Variants in ABCA9 observed in about 807,000 individuals in gnomAD.
ABCA9 encodes ATP binding cassette subfamily A member 9, also known as ATP-binding cassette sub-family A member 9.
Under a neutral mutation model 205.3 loss-of-function variants are expected in ABCA9, and 183 were observed. The ratio of observed to expected loss-of-function variants is 0.89; its 90% CI spans 0.79 to 1.01. The LOEUF (loss-of-function observed/expected upper bound fraction) is 1.01, where lower values mean the gene tolerates loss of function less well. Ranked by LOEUF, ABCA9 falls within the 50% of genes least tolerant of loss-of-function variation. The pLI, the probability that ABCA9 is intolerant of heterozygous loss-of-function variation, is 0.00. For synonymous variants in ABCA9, 651 were observed against 683.3 expected, an observed-to-expected ratio of 0.95 and a Z score of 0.74; for missense variants, 1,805 against 1,912.4, an observed-to-expected ratio of 0.94 and a Z score of 1.05.
chr17:69,059,791 C>T (rs531238364), intron 1 of ABCA9, among the ~76,000 whole-genome samples: 18 of 151,882 alleles, frequency 1.2e-4, no homozygotes, highest in African/African-American at 2.7e-4. Flanking sequence ...TATTTTATGA[C>T]GTGCCTCATC....
intron 11 of ABCA9, 32 bp from the exon 12 acceptor site, chr17:69,028,677 A>C (rs2071070818): frequency 7.4e-7 from 1 of 1,352,430 alleles, no homozygotes; most frequent in African/African-American, 1.5e-5. Context: ...TTACACTCAG[A>C]GCCTACATAT....
chr17:69,027,086 C>G lies in ABCA9; in HGVS notation c.1940G>C (p.Gly647Ala). The G allele has an allele frequency of 1.2e-6, 2 of 1,614,122 alleles. No homozygotes were observed. Among genetic ancestry groups the G allele is most frequent in the Non-Finnish European group, 1.7e-6 (2 of 1,179,996 alleles). Residue 647 changes from glycine (G) to alanine (A), a missense_variant, in exon 15 of 39, where the codon GGA becomes GCA. Gly to Ala is a moderately conservative substitution (Grantham distance 60, BLOSUM62 0). Transcript: ENST00000340001. ...QVLLLDEPTA[G>A]LDPLSRHRIW... ...TCGGTGCCTTGAAAGAGGATCCAATCCAGCAGTCGGTTCATCCAATAGCAA... is the reference window on the plus strand; with the variant it reads ...TCGGTGCCTTGAAAGAGGATCCAATGCAGCAGTCGGTTCATCCAATAGCAA...
chr17:69,048,134 C>T (rs538065629), intron 3 of ABCA9, among the ~76,000 whole-genome samples: 3 of 152,144 alleles, frequency 2.0e-5, no homozygotes, highest in Non-Finnish European at 4.4e-5. Context: ...GGAAATTGCT[C>T]CCATGATCCA....
chr17:69,065,971 C>G, the ABCA9 span, among the ~76,000 whole-genome samples: 1 of 152,100 alleles, frequency 6.6e-6, no homozygotes, highest in African/African-American at 2.4e-5. Context: ...GACATGTTTG[C>G]CTCCCCTTCT....
At chr17:69,005,877 C>T (rs888886684) in intron 25 of ABCA9, among the ~76,000 whole-genome samples, 4 of 152,126 alleles carry the variant, frequency 2.6e-5, no homozygotes, top group African/African-American at 7.2e-5. Flanking sequence ...AGGAGACTTC[C>T]ATTTTCTGCA....
chr17:68,978,407 C>T (rs1275520074), intron 37 of ABCA9, among the ~76,000 whole-genome samples: 1 of 151,998 alleles, frequency 6.6e-6, no homozygotes, highest in Non-Finnish European at 1.5e-5. Flanking sequence ...ACTGATGGGT[C>T]TTGATTCTTT....
At chr17:69,074,391 TC>T in the ABCA9 span, among the ~76,000 whole-genome samples, 2 of 152,198 alleles carry the variant, frequency 1.3e-5, no homozygotes, top group African/African-American at 4.8e-5. Context: ...GGTTAGTTTC[TC>T]CTTGCCTCCC....
At chr17:68,989,660 G>A (rs996921449) in intron 30 of ABCA9, among the ~76,000 whole-genome samples, 153 bp downstream of exon 30, 3 of 151,854 alleles carry the variant, frequency 2.0e-5, no homozygotes, top group African/African-American at 4.8e-5. Context: ...AAAAAAGGTC[G>A]TTATCATTTC....
chr17:69,017,933 G>T, intron 20 of ABCA9, 144 bp from the exon 21 acceptor site: 1 of 871,142 alleles, frequency 1.1e-6, no homozygotes, highest in Non-Finnish European at 1.7e-6. Context: ...TGATGTTCTG[G>T]TACAACAATC....
upstream of ABCA9, among the ~76,000 whole-genome samples, chr17:69,061,803 T>A (rs1056104007): frequency 6.6e-6 from 1 of 152,332 alleles, no homozygotes; most frequent in South Asian, 2.1e-4. Flanking sequence ...ATTCTTATAA[T>A]TCATGGAGTT....
At chr17:68,981,192 GATAA>G (rs1465137757) in intron 37 of ABCA9, among the ~76,000 whole-genome samples, 1 of 152,036 alleles carries the variant, frequency 6.6e-6, no homozygotes, top group Non-Finnish European at 1.5e-5. Context: ...AGTCAGACAG[GATAA>G]ATAAATTCAG....
chr17:69,073,720 G>C, the ABCA9 span, among the ~76,000 whole-genome samples: 1 of 152,116 alleles, frequency 6.6e-6, no homozygotes, highest in East Asian at 1.9e-4. Flanking sequence ...AAATTCAAAA[G>C]CTAGCAGAAG....
intron 1 of ABCA9, among the ~76,000 whole-genome samples, chr17:69,052,423 A>C (rs2144514730): frequency 6.6e-6 from 1 of 152,254 alleles, no homozygotes; most frequent in Middle Eastern, 3.4e-3. Flanking sequence ...TAAAAAAGAA[A>C]AAACAGTATA....
At chr17:69,019,657 T>C (rs919925764) in intron 19 of ABCA9, among the ~76,000 whole-genome samples, 3 of 152,182 alleles carry the variant, frequency 2.0e-5, no homozygotes, top group Admixed American at 2.0e-4. Flanking sequence ...TAATAGAGTG[T>C]TGCATAGAGG....
chr17:69,044,420 A>C, intron 5 of ABCA9, 77 bp downstream of exon 5: 1 of 1,234,302 alleles, frequency 8.1e-7, no homozygotes, highest in African/African-American at 1.5e-5. Flanking sequence ...TAAATGATAG[A>C]ATAGGATAAT....
chr17:69,043,866 A>C (rs1049534363), intron 5 of ABCA9, 151 bp from the exon 6 acceptor site: 2 of 696,190 alleles, frequency 2.9e-6, no homozygotes, highest in African/African-American at 3.6e-5. Flanking sequence ...TGGTTCCTGG[A>C]ACACTTTAGG....
At chr17:69,027,546 A>G (rs1317352022) in intron 13 of ABCA9, 94 bp downstream of exon 13, 2 of 1,559,000 alleles carry the variant, frequency 1.3e-6, no homozygotes, top group Admixed American at 2.1e-5. Context: ...TTTGCCTGAA[A>G]TTTAGATGAG....
At chr17:69,038,534 C>T (rs187302818) in intron 6 of ABCA9, among the ~76,000 whole-genome samples, 14 of 152,260 alleles carry the variant, frequency 9.2e-5, no homozygotes, top group Non-Finnish European at 1.6e-4. Flanking sequence ...ATGCTAAAAA[C>T]AGTCAATGAA....
intron 18 of ABCA9, 84 bp from the exon 19 acceptor site, chr17:69,020,670 G>T: frequency 7.6e-7 from 1 of 1,311,112 alleles, no homozygotes. Context: ...TTCCTACAAA[G>T]GTGTCAAAGT....
Sources: allele counts gnomAD v4.1 joint callset (sites outside exome capture counted in the v4.1 genomes callset), GRCh38; gene constraint gnomAD v4.1.1; transcripts MANE v1.5; gene names NCBI Gene and HGNC (gene_info 2026-07-23, HGNC 2026-07-21).